The following PTPRK variants were observed in gnomAD, a reference collection of about 807,000 sequenced individuals.
The protein encoded by PTPRK is protein tyrosine phosphatase receptor type K.
Under a neutral mutation model 178.0 loss-of-function variants are expected in PTPRK, and 75 were observed. The observed-to-expected ratio is 0.42, with a 90% CI of 0.35 to 0.51. PTPRK has a LOEUF of 0.51. Among genes scored for constraint, PTPRK ranks in the 20% least tolerant of loss-of-function variants. The pLI, the probability that PTPRK is intolerant of heterozygous loss-of-function variation, is 0.02. For synonymous variants in PTPRK, 637 were observed against 620.6 expected (o/e 1.03, Z -0.39); for missense variants, 1,441 against 1,797.8 (o/e 0.80, Z 3.59).
chr6:128,042,378 T>C (rs77045525), intron 13 of PTPRK, among the ~76,000 whole-genome samples: 6 of 152,196 alleles, frequency 3.9e-5, no homozygotes, highest in Non-Finnish European at 8.8e-5. Flanking sequence ...ATGAGTCTTA[T>C]GGGACTAAAA....
intron 7 of PTPRK, among the ~76,000 whole-genome samples, chr6:128,171,991 T>C (rs191138119): frequency 6.6e-6 from 1 of 152,120 alleles, no homozygotes; most frequent in East Asian, 1.9e-4. Context: ...CAACCAACTC[T>C]GGAGAATGTT....
chr6:128,223,604 GAAATA>G (rs1344681099), intron 5 of PTPRK, among the ~76,000 whole-genome samples: 4 of 151,984 alleles, frequency 2.6e-5, no homozygotes, highest in Admixed American at 6.6e-5. Context: ...TTTATTTCTT[GAAATA>G]AAATAACAAA....
At chr6:128,052,108 T>C (rs761207076) in intron 13 of PTPRK, among the ~76,000 whole-genome samples, 1 of 152,174 alleles carries the variant, frequency 6.6e-6, no homozygotes, top group African/African-American at 2.4e-5. Context: ...TATTTTAGTA[T>C]AACAGCTTTA....
rs768968628 is a variant in PTPRK, at chr6:127,973,055, C to T, written c.4236G>A (p.Leu1412=). 78 of 1,613,968 alleles carry T rather than the reference C, an allele frequency of 4.8e-5. No individual in the cohort carries two copies. Among genetic ancestry groups the T allele is most frequent in the Non-Finnish European group, 6.2e-5 (73 of 1,179,966 alleles). ...VVDVFHAVKT[L]RNSKPNMVEA... ...CCACCATGTTTGGCTTGCTGTTCCT[C>T]AGTGTCTTTACTGCATGGAAAACAT... is the stretch of plus-strand genomic sequence containing the variant. The change falls in exon 29 of 30, where the codon CTG becomes CTA. Residue 1412 remains leucine (L), a synonymous_variant. Coordinates refer to ENST00000368226, the MANE Select transcript of PTPRK (RefSeq NM_002844.4).
chr6:128,203,120 G>A (rs1483614179), intron 6 of PTPRK, among the ~76,000 whole-genome samples: 3 of 152,054 alleles, frequency 2.0e-5, no homozygotes, highest in Non-Finnish European at 4.4e-5. Context: ...ATAAATAAAT[G>A]TGATTCATCA....
chr6:128,044,126 T>C (rs1777651664), intron 13 of PTPRK, among the ~76,000 whole-genome samples: 1 of 152,192 alleles, frequency 6.6e-6, no homozygotes, highest in South Asian at 2.1e-4. Context: ...AAAGAAGTCA[T>C]AGATTTCAAC....
intron 11 of PTPRK, among the ~76,000 whole-genome samples, chr6:128,074,820 C>T (rs1462418601): frequency 6.6e-6 from 1 of 152,004 alleles, no homozygotes; most frequent in African/African-American, 2.4e-5. Flanking sequence ...TGGGATTTTT[C>T]ACTGTGGTCA....
At chr6:128,166,470 G>A (rs993487670) in intron 7 of PTPRK, among the ~76,000 whole-genome samples, 1 of 151,438 alleles carries the variant, frequency 6.6e-6, no homozygotes, top group Non-Finnish European at 1.5e-5. Flanking sequence ...GACTCCTCAG[G>A]GTCATTGCAA....
chr6:128,067,388 G>T, intron 12 of PTPRK, 131 bp downstream of exon 12: 1 of 1,069,216 alleles, frequency 9.4e-7, no homozygotes, highest in Non-Finnish European at 1.3e-6. Context: ...ACACTGTTGA[G>T]AACAGAACCC....
intron 2 of PTPRK, among the ~76,000 whole-genome samples, chr6:128,390,917 G>C (rs1400006977): frequency 1.3e-5 from 2 of 152,002 alleles, no homozygotes; most frequent in Non-Finnish European, 2.9e-5. Context: ...AAAAGTGCTT[G>C]AGTCTGCAAC....
At chr6:128,283,575 C>T (rs374492694) in intron 3 of PTPRK, among the ~76,000 whole-genome samples, 3 of 152,002 alleles carry the variant, frequency 2.0e-5, no homozygotes, top group South Asian at 2.1e-4. Flanking sequence ...TTTTCAATGG[C>T]CCAATCTATA....
chr6:128,366,516 G>A (rs1222595028), intron 2 of PTPRK, among the ~76,000 whole-genome samples: 2 of 152,030 alleles, frequency 1.3e-5, no homozygotes, highest in East Asian at 3.9e-4. Context: ...CTGGACTAAA[G>A]GGGTTACACA....
chr6:128,407,670 A>C (rs1279240007), intron 1 of PTPRK, among the ~76,000 whole-genome samples: 2 of 151,294 alleles, frequency 1.3e-5, no homozygotes, highest in Non-Finnish European at 2.9e-5. Flanking sequence ...AAGAAGAAGA[A>C]GAAGAAAGAA....
intron 1 of PTPRK, among the ~76,000 whole-genome samples, chr6:128,400,143 T>A (rs1840835451): frequency 6.6e-6 from 1 of 152,026 alleles, no homozygotes; most frequent in Non-Finnish European, 1.5e-5. Flanking sequence ...ACATATATAT[T>A]AAAATAAATA....
chr6:128,127,004 G>A (rs1208963584), intron 7 of PTPRK, among the ~76,000 whole-genome samples: 1 of 151,886 alleles, frequency 6.6e-6, no homozygotes, highest in Non-Finnish European at 1.5e-5. Flanking sequence ...TAGGTTTAGA[G>A]GGGTATGATG....
chr6:128,352,637 C>T (rs1399998881), intron 2 of PTPRK, among the ~76,000 whole-genome samples: 5 of 152,102 alleles, frequency 3.3e-5, no homozygotes, highest in African/African-American at 1.2e-4. Flanking sequence ...TGTGGAGTTC[C>T]CTCTGCATGG....
chr6:127,994,682 G>A (rs923988924), intron 18 of PTPRK, among the ~76,000 whole-genome samples: 13 of 151,670 alleles, frequency 8.6e-5, no homozygotes, highest in African/African-American at 3.1e-4. Context: ...TTTCCATGTA[G>A]ATATGTATGT....
intron 17 of PTPRK, among the ~76,000 whole-genome samples, chr6:127,995,873 G>A (rs998056424): frequency 2.6e-5 from 4 of 152,000 alleles, no homozygotes; most frequent in African/African-American, 4.8e-5. Flanking sequence ...GACTTTAAAC[G>A]GGTTGGATCC....
chr6:128,503,412 C>T (rs938064490), intron 1 of PTPRK, among the ~76,000 whole-genome samples: 4 of 152,162 alleles, frequency 2.6e-5, no homozygotes, highest in African/African-American at 4.8e-5. Context: ...ACTTTCTCCA[C>T]GTCCTGATGG....
Sources: gnomAD v4.1 joint callset for allele counts (sites outside exome capture counted in the v4.1 genomes callset) on GRCh38, gnomAD v4.1.1 for gene constraint, MANE v1.5 for transcripts, NCBI Gene and HGNC (gene_info 2026-07-23, HGNC 2026-07-21) for gene names.